The following KCNH1 variants were observed in gnomAD, a reference collection of about 807,000 sequenced individuals.
KCNH1 encodes the protein potassium voltage-gated channel subfamily H member 1.
Under a neutral mutation model 69.2 loss-of-function variants are expected in KCNH1, and 27 were observed. The ratio of observed to expected loss-of-function variants is 0.39; its 90% CI spans 0.29 to 0.54. The LOEUF (loss-of-function observed/expected upper bound fraction) is 0.54, where lower values mean the gene tolerates loss of function less well. KCNH1 is among the 20% of genes least tolerant of loss of function. KCNH1 has a pLI of 0.68. For missense variants in KCNH1, 798 were observed against 1,261.6 expected (o/e 0.63, Z 5.57); for synonymous variants, 456 against 487.7 (o/e 0.93, Z 0.86).
chr1:211,006,069 A>G (rs1689277735), intron 6 of KCNH1, among the ~76,000 whole-genome samples: 1 of 152,218 alleles, frequency 6.6e-6, no homozygotes, highest in South Asian at 2.1e-4. Flanking sequence ...TCATTGGATT[A>G]GGTAGAATTA....
intron 5 of KCNH1, among the ~76,000 whole-genome samples, chr1:211,031,970 T>C (rs1689793889): frequency 6.6e-6 from 1 of 152,194 alleles, no homozygotes; most frequent in Non-Finnish European, 1.5e-5. Context: ...GAAGTCAAAT[T>C]GTCCCTGTTT....
intron 10 of KCNH1, among the ~76,000 whole-genome samples, chr1:210,716,964 C>T (rs1682271578): frequency 6.6e-6 from 1 of 152,206 alleles, no homozygotes. Flanking sequence ...GGGCATACAG[C>T]ACTAAGTTGA....
At chr1:210,867,228 T>C (rs1429949792) in intron 7 of KCNH1, among the ~76,000 whole-genome samples, 1 of 151,852 alleles carries the variant, frequency 6.6e-6, no homozygotes, top group Non-Finnish European at 1.5e-5. Context: ...TACTTAAAAC[T>C]ATTGAATTGT....
intron 7 of KCNH1, among the ~76,000 whole-genome samples, chr1:210,843,803 C>T (rs968870382): frequency 2.0e-5 from 3 of 152,170 alleles, no homozygotes; most frequent in Admixed American, 1.3e-4. Flanking sequence ...AGTTCATCTA[C>T]TCTTAGAGCA....
chr1:210,996,061 G>A (rs770286545), intron 6 of KCNH1, among the ~76,000 whole-genome samples: 34 of 152,276 alleles, frequency 2.2e-4, no homozygotes, highest in Admixed American at 1.3e-4. Flanking sequence ...CGTGAGCGAC[G>A]GAGAAGACAG....
rs577673213 is a variant in KCNH1, at chr1:211,045,433, GA to G, written c.559-26178del. The stretch of plus-strand genomic sequence containing the variant: ...CCTATGGAAATAAAAAAATTAAAAA[GA>G]AAAAAAGAATTAGCTGAAGAACAAA... On this transcript the variant is annotated intron_variant, in intron 5 of 10. Transcript: ENST00000271751. Among the ~76,000 whole-genome samples the G allele has an allele frequency of 2.6e-3, 395 of 151,420 alleles. 1 individual carries two copies. The highest frequency in any genetic ancestry group is 3.7e-3 in the Non-Finnish European group (252 of 67,758).
At chr1:210,746,433 T>G (rs1469117653) in intron 10 of KCNH1, among the ~76,000 whole-genome samples, 1 of 152,198 alleles carries the variant, frequency 6.6e-6, no homozygotes, top group Non-Finnish European at 1.5e-5. Context: ...ATGTGAGCCT[T>G]GGCTTCAAGT....
chr1:211,056,829 T>C (rs1690318619), intron 5 of KCNH1, among the ~76,000 whole-genome samples: 1 of 152,236 alleles, frequency 6.6e-6, no homozygotes, highest in Non-Finnish European at 1.5e-5. Context: ...GAGCCACAGC[T>C]TGGGGTGTGC....
chr1:211,133,949 C>A lies in KCNH1; in HGVS notation c.-4G>T. ...TCCTGCCCCCAGCCATGGTCATCCT[C>A]CCAGCAGCTCGGGGTCCGGCGGGCG... On this transcript the variant is annotated 5_prime_UTR_variant, in exon 1 of 11. Transcript: ENST00000271751. This position sits in a 1 kb window ranked among gnomAD's most constrained non-coding sequence, Gnocchi z 5.4. The A allele has an allele frequency of 1.9e-6, 3 of 1,607,248 alleles. No homozygotes were observed. Among genetic ancestry groups the A allele is most frequent in the Non-Finnish European group, 2.5e-6 (3 of 1,176,986 alleles).
chr1:210,956,165 T>C (rs1353908097), intron 6 of KCNH1, among the ~76,000 whole-genome samples: 1 of 152,160 alleles, frequency 6.6e-6, no homozygotes, highest in African/African-American at 2.4e-5. Context: ...GATAATCGTG[T>C]GGTTTATGTC....
In KCNH1 at chr1:211,011,106, T is replaced by A. The variant is rs564409970; in HGVS notation, c.1032+7677A>T. Among the ~76,000 whole-genome samples the A allele has an allele frequency of 2.8e-4, 42 of 152,230 alleles. No homozygotes were observed. In the South Asian group the frequency reaches 8.5e-3, roughly 31 times the overall value. Reference sequence around the variant, plus strand: ...CAACCCATCATCTACATTAGGTATTTCTCCTAATGCTATCCCTCCCCTACC... The same window carrying A: ...CAACCCATCATCTACATTAGGTATTACTCCTAATGCTATCCCTCCCCTACC... On this transcript the variant is annotated intron_variant, in intron 6 of 10. Transcript: ENST00000271751.
At chr1:210,735,293 T>C (rs1017680684) in intron 10 of KCNH1, among the ~76,000 whole-genome samples, 9 of 152,318 alleles carry the variant, frequency 5.9e-5, no homozygotes, top group Admixed American at 3.9e-4. Flanking sequence ...CTACTTCCAG[T>C]ATTTGTTGTC....
At chr1:210,849,475 T>A (rs1685636915) in intron 7 of KCNH1, among the ~76,000 whole-genome samples, 1 of 151,444 alleles carries the variant, frequency 6.6e-6, no homozygotes, top group Non-Finnish European at 1.5e-5. Context: ...CAAGCGATTC[T>A]CATGCCTCAG....
At chr1:210,780,814 G>A (rs537075572) in intron 9 of KCNH1, among the ~76,000 whole-genome samples, 9 of 152,272 alleles carry the variant, frequency 5.9e-5, no homozygotes, top group South Asian at 4.1e-4. Flanking sequence ...TTGGGAGGCC[G>A]AGGCGGGCAG....
chr1:210,697,389 C>T (rs537347603), intron 10 of KCNH1, among the ~76,000 whole-genome samples: 46 of 152,348 alleles, frequency 3.0e-4, no homozygotes, highest in South Asian at 2.1e-4. Flanking sequence ...ACCCAGACCC[C>T]GTGCTGCCTC....
intron 10 of KCNH1, among the ~76,000 whole-genome samples, chr1:210,697,434 A>G (rs1681668921): frequency 6.6e-6 from 1 of 152,198 alleles, no homozygotes; most frequent in East Asian, 1.9e-4. Context: ...CTGGGGGTTG[A>G]GAGTTCAACT....
chr1:211,015,658 A>G (rs907628860), intron 6 of KCNH1, among the ~76,000 whole-genome samples: 2 of 152,210 alleles, frequency 1.3e-5, no homozygotes, highest in African/African-American at 2.4e-5. Flanking sequence ...CTGGCAGGAA[A>G]CTCAAATAAT....
chr1:210,839,696 T>C (rs543023409), intron 7 of KCNH1, among the ~76,000 whole-genome samples: 8 of 152,322 alleles, frequency 5.3e-5, no homozygotes, highest in Admixed American at 3.3e-4. Flanking sequence ...CCCTGAGGGC[T>C]ACAGGACAGA....
At chr1:211,126,888 C>T (rs1021605890) in intron 1 of KCNH1, among the ~76,000 whole-genome samples, 2 of 152,056 alleles carry the variant, frequency 1.3e-5, no homozygotes, top group Admixed American at 1.3e-4. Context: ...AACAAAATGT[C>T]ACACATTCTG....
Sources: gnomAD v4.1 joint callset for allele counts (sites outside exome capture counted in the v4.1 genomes callset) on GRCh38, gnomAD v4.1.1 for gene constraint, Gnocchi (gnomAD v3.1) non-coding constraint, MANE v1.5 for transcripts, NCBI Gene and HGNC (gene_info 2026-07-23, HGNC 2026-07-21) for gene names.